The following TAF15 variants were observed in gnomAD, a reference collection of about 807,000 sequenced individuals.
TAF15 encodes the protein TATA-binding protein-associated factor 2N.
In TAF15, 37 loss-of-function variants were observed where a neutral mutation model predicts 102.5. That is an observed-to-expected ratio of 0.36 (90% CI 0.28 to 0.47). The LOEUF (loss-of-function observed/expected upper bound fraction) is 0.47, where lower values mean the gene tolerates loss of function less well. TAF15 is among the 20% of genes least tolerant of loss of function. The probability of loss-of-function intolerance (pLI) is 0.99; values close to 1 mark genes in which losing one functional copy is unlikely to be tolerated. For missense variants in TAF15, 652 were observed against 760.7 expected, an observed-to-expected ratio of 0.86 and a Z score of 1.68; for synonymous variants, 273 against 259.2, an observed-to-expected ratio of 1.05 and a Z score of -0.51.
At chr17:35,824,391 A>G (rs557425471) in intron 7 of TAF15, 193 bp downstream of exon 7, 138 of 720,748 alleles carry the variant, frequency 1.9e-4, no homozygotes, top group South Asian at 7.5e-4. Flanking sequence ...TGACCTTAGA[A>G]TTGGCTATGT....
chr17:35,813,956 T>G (rs1398975607), intron 1 of TAF15, among the ~76,000 whole-genome samples: 1 of 152,062 alleles, frequency 6.6e-6, no homozygotes, highest in Non-Finnish European at 1.5e-5. Context: ...AGAGAGAAAG[T>G]AACCATTGAC....
At chr17:35,816,865 C>T (rs1300603885) in intron 1 of TAF15, 1 of 110,650 alleles carries the variant, frequency 9.0e-6, no homozygotes, top group Admixed American at 1.4e-4. Flanking sequence ...TTCAGTCGTG[C>T]AGGCTGGAGT....
rs201536163 is a variant in TAF15 at position 35,845,011 on chromosome 17, G to C, written c.1712G>C (p.Gly571Ala). The C allele has an allele frequency of 6.2e-7, 1 of 1,614,004 alleles. No individual in the cohort carries two copies. The highest frequency in any genetic ancestry group is 1.3e-5 in the African/African-American group (1 of 74,888). The change falls in exon 15 of 16, where the codon GGT becomes GCT. Residue 571 changes from glycine (G) to alanine (A), a missense_variant. By Grantham distance (60) the Gly-to-Ala change is moderately conservative (BLOSUM62 0). This residue lies in a region of TAF15 where 368 missense variants were observed against 367.5 expected (regional missense o/e 1.00). Transcript: ENST00000605844. ...GGTGGGGGCTACGGAGGAGACCGAG[G>C]TGGCTATGGAGGCAAAATGGGAGGA... The part of the protein sequence containing the change: ...DRGGGYGGDR[G>A]GYGGKMGGRN...
At chr17:35,817,004 G>A (rs2087203732) in intron 1 of TAF15, 1 of 151,924 alleles carries the variant, frequency 6.6e-6, no homozygotes, top group Admixed American at 6.6e-5. Flanking sequence ...GTTTTTTGTA[G>A]AGATGGGGTT....
chr17:35,820,149 T>G lies in TAF15; in HGVS notation c.100-15T>G, dbSNP rs911421302. 1 of 1,613,786 alleles carries G rather than the reference T, an allele frequency of 6.2e-7. No individual in the cohort carries two copies. The highest frequency in any genetic ancestry group is 8.5e-7 in the Non-Finnish European group (1 of 1,179,768). ...TAAGTAGGTGATGAAACTTGAGTAT[T>G]TACCTAAATTTCAGAGCTATTCTGG... On this transcript the variant is annotated splice_polypyrimidine_tract_variant and intron_variant, in intron 3 of 15. Transcript: ENST00000605844.
intron 7 of TAF15, among the ~76,000 whole-genome samples, chr17:35,827,116 G>A (rs1473680691): frequency 6.6e-6 from 1 of 151,860 alleles, no homozygotes; most frequent in African/African-American, 2.4e-5. Context: ...TCTTGGCCGG[G>A]TGCGGTGGCT....
At chr17:35,836,887 C>T (rs1490844789) in intron 10 of TAF15, among the ~76,000 whole-genome samples, 1 of 151,834 alleles carries the variant, frequency 6.6e-6, no homozygotes, top group East Asian at 1.9e-4. Context: ...AAGTGATTCT[C>T]CTGCCTCAGC....
At chr17:35,841,435 T>G (rs377002002) in intron 11 of TAF15, among the ~76,000 whole-genome samples, 42 of 151,654 alleles carry the variant, frequency 2.8e-4, no homozygotes, top group East Asian at 2.5e-3. Flanking sequence ...CAGGTTTTAG[T>G]TTTTTTTTCC....
At position 35,838,438 on chromosome 17, in the gene TAF15, C is replaced by G; in HGVS notation, c.798C>G (p.Thr266=). The part of the protein sequence containing the change: ...QIGIIKTNKK[T]GKPMINLYTD... Reference sequence around the variant, plus strand: ...TTTTTCCTCAGACAAATAAGAAGACCGGAAAACCAATGATAAATCTTTATA... The same window carrying G: ...TTTTTCCTCAGACAAATAAGAAGACGGGAAAACCAATGATAAATCTTTATA... The change falls in exon 11 of 16, where the codon ACC becomes ACG. Residue 266 remains threonine (T), a synonymous_variant. Coordinates refer to ENST00000605844, the MANE Select transcript of TAF15 (RefSeq NM_139215.3). The G allele has an allele frequency of 6.2e-7, 1 of 1,613,976 alleles. No individual in the cohort carries two copies. Among genetic ancestry groups the G allele is most frequent in the Non-Finnish European group, 8.5e-7 (1 of 1,180,002 alleles).
intron 7 of TAF15, among the ~76,000 whole-genome samples, chr17:35,827,819 G>A (rs1892583788): frequency 1.3e-5 from 2 of 152,172 alleles, no homozygotes; most frequent in South Asian, 4.1e-4. Context: ...AAGAATTCCC[G>A]GTCAAAAAGA....
chr17:35,832,330 C>T (rs371299577), intron 7 of TAF15, among the ~76,000 whole-genome samples: 2 of 152,088 alleles, frequency 1.3e-5, no homozygotes, highest in Non-Finnish European at 2.9e-5. Context: ...GCCTTAGTCT[C>T]CTGCTTAAAA....
chr17:35,836,020 T>G, intron 9 of TAF15, 112 bp from the exon 10 acceptor site: 1 of 746,362 alleles, frequency 1.3e-6, no homozygotes, highest in Non-Finnish European at 2.3e-6. Context: ...GTCCTTTCCT[T>G]TTGGTCATAG....
At chr17:35,819,449 A>G (rs1041043508) in intron 2 of TAF15, among the ~76,000 whole-genome samples, 1 of 152,178 alleles carries the variant, frequency 6.6e-6, no homozygotes, top group Non-Finnish European at 1.5e-5. Context: ...AGGCCCTGCT[A>G]CAATACTGAG....
intron 12 of TAF15, among the ~76,000 whole-genome samples, chr17:35,843,725 A>G (rs1023001226): frequency 1.3e-5 from 2 of 152,174 alleles, no homozygotes; most frequent in East Asian, 1.9e-4. Flanking sequence ...GGGCTGCTCA[A>G]CTCGCAAGTA....
At chr17:35,846,884 G>A (rs780669312) in intron 15 of TAF15, 22 bp from the exon 16 acceptor site, 3 of 1,613,944 alleles carry the variant, frequency 1.9e-6, no homozygotes, top group Non-Finnish European at 2.5e-6. Context: ...ATTTAGTCCG[G>A]CTCTTTATTT....
intron 11 of TAF15, among the ~76,000 whole-genome samples, chr17:35,842,138 GTTTT>G (rs957698339): frequency 6.8e-6 from 1 of 147,726 alleles, no homozygotes; most frequent in East Asian, 2.0e-4. Context: ...TTTTGTTTTT[GTTTT>G]TTTTTTAAGC....
intron 7 of TAF15, 92 bp downstream of exon 7, chr17:35,824,290 A>G (rs1383734218): frequency 6.6e-7 from 1 of 1,524,124 alleles, no homozygotes. Flanking sequence ...TCCAGCATCT[A>G]ATTTAGTTAA....
rs180972553 is a variant in TAF15 at position 35,838,667 on chromosome 17, T to C, written c.913+114T>C. On this transcript the variant is annotated intron_variant, in intron 11 of 15. Transcript: ENST00000605844. Reference sequence around the variant, plus strand: ...ATATTCATGTTTACTTTTGCAGATATTAAGAATACAGGTCAGAATTTTTAT... The same window carrying C: ...ATATTCATGTTTACTTTTGCAGATACTAAGAATACAGGTCAGAATTTTTAT... The C allele has an allele frequency of 9.0e-5, 134 of 1,495,078 alleles. No homozygotes were observed. The Admixed American group carries it at 1.2e-3, about 14-fold the overall frequency. The allele number at this position is 1,495,078 out of a possible 1,614,324, so 92.6% of individuals were successfully genotyped here.
chr17:35,812,455 C>T (rs1168206663), intron 1 of TAF15, among the ~76,000 whole-genome samples: 1 of 151,692 alleles, frequency 6.6e-6, no homozygotes, highest in African/African-American at 2.4e-5. Context: ...AGGCATCCTA[C>T]ATGCCTGTAA....
Sources: gnomAD v4.1 joint callset for allele counts (sites outside exome capture counted in the v4.1 genomes callset) on GRCh38, gnomAD v4.1.1 for gene constraint, gnomAD v4.1.1 regional missense constraint, MANE v1.5 for transcripts, NCBI Gene and HGNC (gene_info 2026-07-23, HGNC 2026-07-21) for gene names.